Variants in RAD51B observed in about 807,000 individuals in gnomAD.
RAD51B encodes the protein DNA repair protein RAD51 homolog 2.
Under a neutral mutation model 42.2 loss-of-function variants are expected in RAD51B, and 38 were observed. The observed-to-expected ratio is 0.90, with a 90% CI of 0.70 to 1.18. The LOEUF is 1.18. RAD51B is among the 50% of genes most tolerant of loss of function. The pLI, the probability that RAD51B is intolerant of heterozygous loss-of-function variation, is 0.00. For synonymous variants in RAD51B, 154 were observed against 145.2 expected, an observed-to-expected ratio of 1.06 and a Z score of -0.43; for missense variants, 373 against 400.7, an observed-to-expected ratio of 0.93 and a Z score of 0.59.
intron 7 of RAD51B, among the ~76,000 whole-genome samples, chr14:68,210,441 TAC>T (rs2140943553): frequency 6.6e-6 from 1 of 152,316 alleles, no homozygotes; most frequent in East Asian, 1.9e-4. Flanking sequence ...AATGTTCTTG[TAC>T]ATGTGGGTTT....
chr14:68,356,023 A>G (rs1318381069), intron 8 of RAD51B, among the ~76,000 whole-genome samples: 1 of 152,254 alleles, frequency 6.6e-6, no homozygotes, highest in Non-Finnish European at 1.5e-5. Flanking sequence ...TTGTCTAATT[A>G]TCTCCCAGGT....
intron 7 of RAD51B, among the ~76,000 whole-genome samples, chr14:68,192,490 AC>A (rs765873599): frequency 6.4e-4 from 98 of 152,346 alleles, no homozygotes; most frequent in Non-Finnish European, 1.1e-3. Context: ...TAATAGAAAC[AC>A]TAAGCCTGTG....
rs563050981 is a variant in RAD51B at position 67,924,821 on chromosome 14, C to T, written c.756+37617C>T. ...CACATTTCAAAACCAATCATGCCTTCCCAAAAGTCCCCCAAAGTCTCAACT... is the reference window on the plus strand; with the variant it reads ...CACATTTCAAAACCAATCATGCCTTTCCAAAAGTCCCCCAAAGTCTCAACT... On this transcript the variant is annotated intron_variant, in intron 7 of 10. Coordinates refer to ENST00000471583, the MANE Select transcript of RAD51B (RefSeq NM_133510.4). Among the ~76,000 whole-genome samples, 9 of 152,296 alleles carry T rather than the reference C, an allele frequency of 5.9e-5. No individual in the cohort carries two copies. In the South Asian group the frequency reaches 1.7e-3, roughly 28 times the overall value.
chr14:67,961,214 C>A (rs2074659347), intron 7 of RAD51B, among the ~76,000 whole-genome samples: 1 of 152,056 alleles, frequency 6.6e-6, no homozygotes. Context: ...CTATGTTGCC[C>A]AGGCTGGTCT....
At chr14:68,589,383 T>C (rs528398520) in intron 10 of RAD51B, among the ~76,000 whole-genome samples, 2 of 152,292 alleles carry the variant, frequency 1.3e-5, no homozygotes, top group Admixed American at 1.3e-4. Context: ...TTTCTTTAGC[T>C]GCAGGAGTTG....
At chr14:68,039,013 T>C (rs1194387576) in intron 7 of RAD51B, among the ~76,000 whole-genome samples, 2 of 152,188 alleles carry the variant, frequency 1.3e-5, no homozygotes, top group African/African-American at 4.8e-5. Context: ...AAATTAGCCA[T>C]GGTAGAAGTA....
intron 10 of RAD51B, among the ~76,000 whole-genome samples, chr14:68,485,697 C>G (rs930713718): frequency 6.6e-6 from 1 of 152,194 alleles, no homozygotes; most frequent in African/African-American, 2.4e-5. Flanking sequence ...CTCCAGCCCC[C>G]ACCCTCAGGT....
chr14:68,139,926 T>C (rs911432868), intron 7 of RAD51B, among the ~76,000 whole-genome samples: 2 of 152,124 alleles, frequency 1.3e-5, no homozygotes, highest in East Asian at 3.9e-4. Context: ...GTTTGAAACG[T>C]TGAAAGCCAG....
intron 7 of RAD51B, among the ~76,000 whole-genome samples, chr14:68,240,332 G>A (rs1358731908): frequency 6.6e-6 from 1 of 152,146 alleles, no homozygotes; most frequent in Non-Finnish European, 1.5e-5. Flanking sequence ...ACTTAGGGAA[G>A]GACAGACAAT....
At chr14:67,980,859 A>T (rs2075078576) in intron 7 of RAD51B, among the ~76,000 whole-genome samples, 1 of 152,206 alleles carries the variant, frequency 6.6e-6, no homozygotes, top group Non-Finnish European at 1.5e-5. Flanking sequence ...CGAAAGCACA[A>T]CCCATAAAAG....
intron 10 of RAD51B, among the ~76,000 whole-genome samples, chr14:68,496,172 C>T (rs982796487): frequency 3.3e-5 from 5 of 152,072 alleles, no homozygotes; most frequent in East Asian, 1.9e-4. Context: ...GTGTATTCAT[C>T]GGTAAAAGGG....
chr14:67,888,819 A>G (rs1485525515), intron 7 of RAD51B, among the ~76,000 whole-genome samples: 1 of 152,186 alleles, frequency 6.6e-6, no homozygotes, highest in South Asian at 2.1e-4. Flanking sequence ...GGACTTGAGC[A>G]TCCGTGGATT....
chr14:68,261,463 G>A (rs570927189), intron 7 of RAD51B, among the ~76,000 whole-genome samples: 4 of 152,240 alleles, frequency 2.6e-5, no homozygotes, highest in South Asian at 2.1e-4. Context: ...TCAGCACCCC[G>A]TTTAATGTAT....
At chr14:68,185,736 A>G (rs560249831) in intron 7 of RAD51B, among the ~76,000 whole-genome samples, 31 of 152,254 alleles carry the variant, frequency 2.0e-4, no homozygotes, top group Middle Eastern at 3.4e-3. Flanking sequence ...AAATTCTCAT[A>G]AAGAGCACAC....
intron 7 of RAD51B, among the ~76,000 whole-genome samples, chr14:68,065,195 T>C (rs1388926652): frequency 6.6e-6 from 1 of 152,166 alleles, no homozygotes; most frequent in Non-Finnish European, 1.5e-5. Context: ...GGTAGCATAG[T>C]GTAGTCTCCA....
At chr14:68,110,686 A>G (rs2077446351) in intron 7 of RAD51B, among the ~76,000 whole-genome samples, 1 of 152,108 alleles carries the variant, frequency 6.6e-6, no homozygotes, top group Admixed American at 6.6e-5. Context: ...TGAAGCACTT[A>G]GAACTTAGAA....
chr14:67,920,780 T>C (rs1194466154), intron 7 of RAD51B, among the ~76,000 whole-genome samples: 1 of 151,890 alleles, frequency 6.6e-6, no homozygotes, highest in African/African-American at 2.4e-5. Context: ...CCTCCGATAA[T>C]GCTTAGTCCC....
intron 8 of RAD51B, among the ~76,000 whole-genome samples, chr14:68,377,792 G>A (rs1476791940): frequency 2.0e-5 from 3 of 152,364 alleles, no homozygotes; most frequent in East Asian, 3.9e-4. Flanking sequence ...GGGAGTCACT[G>A]TCTTCACAGG....
intron 7 of RAD51B, among the ~76,000 whole-genome samples, chr14:67,936,471 A>G (rs898092098): frequency 2.0e-5 from 3 of 152,080 alleles, no homozygotes; most frequent in African/African-American, 7.2e-5. Flanking sequence ...TATAGATAGA[A>G]CTCATTTTGT....
Sources: gnomAD v4.1 joint callset for allele counts (sites outside exome capture counted in the v4.1 genomes callset) on GRCh38, gnomAD v4.1.1 for gene constraint, MANE v1.5 for transcripts, NCBI Gene and HGNC (gene_info 2026-07-23, HGNC 2026-07-21) for gene names.